Variants in TMEM51 observed in about 807,000 individuals in gnomAD.
TMEM51 encodes chromosome 1 open reading frame 72.
A neutral mutation model predicts 13.6 loss-of-function variants in TMEM51; 8 were observed. The observed-to-expected ratio is 0.59, with a 90% CI of 0.35 to 1.07. The LOEUF (loss-of-function observed/expected upper bound fraction) is 1.07. Among genes scored for constraint, TMEM51 ranks in the 50% least tolerant of loss-of-function variants. The pLI is 0.02. For missense variants in TMEM51, 279 were observed against 330.7 expected, an observed-to-expected ratio of 0.84 and a Z score of 1.21; for synonymous variants, 147 against 144.4, an observed-to-expected ratio of 1.02 and a Z score of -0.13.
chr1:15,186,841 C>A (rs923907798), intron 1 of TMEM51, among the ~76,000 whole-genome samples: 2 of 152,118 alleles, frequency 1.3e-5, no homozygotes, highest in African/African-American at 4.8e-5. Context: ...CAGGGGAGGC[C>A]TTTGCAGTCT....
chr1:15,190,219 T>C (rs937968338), intron 1 of TMEM51, among the ~76,000 whole-genome samples: 2 of 152,146 alleles, frequency 1.3e-5, no homozygotes, highest in East Asian at 3.9e-4. Context: ...AACATGAGGC[T>C]TTGGGCAGGT....
chr1:15,190,339 A>G (rs372212827), intron 1 of TMEM51, among the ~76,000 whole-genome samples: 4 of 152,352 alleles, frequency 2.6e-5, no homozygotes, highest in East Asian at 1.9e-4. Context: ...CATTCAGTGC[A>G]TGTGAACTCT....
intron 1 of TMEM51, among the ~76,000 whole-genome samples, chr1:15,197,110 A>G (rs1644065381): frequency 6.6e-6 from 1 of 152,224 alleles, no homozygotes; most frequent in Non-Finnish European, 1.5e-5. Flanking sequence ...CTGCCTATGC[A>G]ATGGAGGAGT....
intron 1 of TMEM51, among the ~76,000 whole-genome samples, chr1:15,179,290 T>C (rs569081217): frequency 4.0e-4 from 61 of 152,324 alleles, no homozygotes; most frequent in Non-Finnish European, 7.4e-4. Flanking sequence ...AGCAGCATTA[T>C]GCCTGACATT....
intron 1 of TMEM51, among the ~76,000 whole-genome samples, chr1:15,204,911 G>A (rs1478891209): frequency 1.3e-5 from 2 of 152,098 alleles, no homozygotes; most frequent in Admixed American, 1.3e-4. Context: ...GGCTGCTGCT[G>A]TTGTCCCCAG....
At chr1:15,155,244 G>A (rs1642550482) in intron 1 of TMEM51, among the ~76,000 whole-genome samples, 1 of 105,016 alleles carries the variant, frequency 9.5e-6, no homozygotes, top group Admixed American at 9.8e-5. Flanking sequence ...CTGATGGGGT[G>A]TCTGGGGCCT....
chr1:15,212,913 GCTT>G (rs1332656605), intron 2 of TMEM51, among the ~76,000 whole-genome samples: 4 of 152,342 alleles, frequency 2.6e-5, no homozygotes, highest in South Asian at 2.1e-4. Flanking sequence ...GTGCCTTGGT[GCTT>G]CTTCTTAACT....
chr1:15,169,467 C>G (rs889146174), intron 1 of TMEM51, among the ~76,000 whole-genome samples: 9 of 151,998 alleles, frequency 5.9e-5, no homozygotes, highest in African/African-American at 2.2e-4. Flanking sequence ...AAAAGTTTGC[C>G]CCTGAAATAA....
rs562427132 is a variant in TMEM51, at chr1:15,162,415, G to A, written c.-267+8461G>A. Among the ~76,000 whole-genome samples the A allele has an allele frequency of 6.7e-4, 102 of 151,964 alleles. 1 individual carries two copies. Among genetic ancestry groups the A allele is most frequent in the South Asian group, 1.7e-3 (8 of 4,804 alleles). On this transcript the variant is annotated intron_variant, in intron 1 of 3. Coordinates refer to ENST00000376008, the MANE Select transcript of TMEM51 (RefSeq NM_001136218.2). ...TGGCCTCGAGTGATCCACATGCCTC[G>A]GCCTCCCAAATTGCTGGGATTACAG...
chr1:15,153,587 C>G (rs1391077282), upstream of TMEM51: 2 of 152,178 alleles, frequency 1.3e-5, no homozygotes, highest in African/African-American at 2.4e-5. Context: ...GGGTGCCCGC[C>G]TCGCTCAGCT....
chr1:15,215,272 C>G lies in TMEM51; in HGVS notation c.185C>G (p.Thr62Ser). 1 of 1,614,250 alleles carries G rather than the reference C, an allele frequency of 6.2e-7. No homozygotes were observed. Among genetic ancestry groups the G allele is most frequent in the Non-Finnish European group, 8.5e-7 (1 of 1,180,042 alleles). ...GGTGGCGGCATCCTCAAGAGCAAGA[C>G]CTTCTCTGTGGCCTACGTGCTGGTC... ...EVGGGILKSK[T>S]FSVAYVLVGA... Residue 62 changes from threonine (T) to serine (S), a missense_variant, in exon 3 of 4, where the codon ACC (threonine) becomes AGC (serine). Coordinates refer to ENST00000376008, the MANE Select transcript of TMEM51 (RefSeq NM_001136218.2).
chr1:15,175,648 T>C (rs930634188), intron 1 of TMEM51, among the ~76,000 whole-genome samples: 1 of 152,222 alleles, frequency 6.6e-6, no homozygotes, highest in Non-Finnish European at 1.5e-5. Context: ...CTCACTGTCA[T>C]GGCAGAAGGT....
At chr1:15,173,243 G>A (rs1387780080) in intron 1 of TMEM51, among the ~76,000 whole-genome samples, 3 of 137,818 alleles carry the variant, frequency 2.2e-5, no homozygotes, top group Non-Finnish European at 3.1e-5. Context: ...TTTTTGAAAC[G>A]GAGTTTCGCT....
chr1:15,196,179 C>T (rs1337092395), intron 1 of TMEM51, among the ~76,000 whole-genome samples: 1 of 152,198 alleles, frequency 6.6e-6, no homozygotes, highest in African/African-American at 2.4e-5. Context: ...GCCTCACCCA[C>T]GGGCCCTGTG....
At chr1:15,182,320 G>C (rs1350153999) in intron 1 of TMEM51, among the ~76,000 whole-genome samples, 2 of 152,186 alleles carry the variant, frequency 1.3e-5, no homozygotes, top group African/African-American at 4.8e-5. Flanking sequence ...CTCTTCCTCT[G>C]TGAGCCTCAG....
In TMEM51 at chr1:15,165,656, C is replaced by T. The variant is rs978672734; in HGVS notation, c.-267+11702C>T. Among the ~76,000 whole-genome samples, 12 of 152,136 alleles carry T rather than the reference C, an allele frequency of 7.9e-5. No homozygotes were observed. The East Asian group carries it at 1.2e-3, about 15-fold the overall frequency. ...CGAGGTAACAATTTATGGTTGTATA[C>T]GGAGTTAATTTCAACAGTATTTTTT... On this transcript the variant is annotated intron_variant, in intron 1 of 3. Coordinates refer to ENST00000376008, the MANE Select transcript of TMEM51 (RefSeq NM_001136218.2).
chr1:15,187,225 C>T (rs1643807287), intron 1 of TMEM51, among the ~76,000 whole-genome samples: 1 of 148,816 alleles, frequency 6.7e-6, no homozygotes, highest in Non-Finnish European at 1.5e-5. Flanking sequence ...AGATCCCCAT[C>T]CCCCACTGAC....
At chr1:15,182,574 G>T (rs929935575) in intron 1 of TMEM51, among the ~76,000 whole-genome samples, 3 of 152,204 alleles carry the variant, frequency 2.0e-5, no homozygotes, top group African/African-American at 7.2e-5. Context: ...GAGGCCCCAT[G>T]TTCTATCTAA....
At chr1:15,157,862 G>A (rs1642641176) in intron 1 of TMEM51, among the ~76,000 whole-genome samples, 1 of 152,222 alleles carries the variant, frequency 6.6e-6, no homozygotes, top group Non-Finnish European at 1.5e-5. Context: ...GTAAAAACGA[G>A]CAGATGACAT....
Sources: gnomAD v4.1 joint callset for allele counts (sites outside exome capture counted in the v4.1 genomes callset) on GRCh38, gnomAD v4.1.1 for gene constraint, MANE v1.5 for transcripts, NCBI Gene and HGNC (gene_info 2026-07-23, HGNC 2026-07-21) for gene names.